Variants in PDE10A observed in about 807,000 individuals in gnomAD.
The protein encoded by PDE10A is phosphodiesterase 10A.
A neutral mutation model predicts 97.7 loss-of-function variants in PDE10A; 39 were observed. The observed-to-expected ratio is 0.40, with a 90% CI of 0.31 to 0.52. The LOEUF is 0.52. PDE10A is among the 20% of genes least tolerant of loss of function. The pLI is 0.56. For missense variants in PDE10A, 731 were observed against 1,047.8 expected, an observed-to-expected ratio of 0.70 and a Z score of 4.17; for synonymous variants, 371 against 376.8, an observed-to-expected ratio of 0.98 and a Z score of 0.18.
chr6:165,853,729 A>G (rs1780636016), intron 1 of PDE10A, among the ~76,000 whole-genome samples: 1 of 152,248 alleles, frequency 6.6e-6, no homozygotes, highest in Admixed American at 6.5e-5. Flanking sequence ...ACCACATTTT[A>G]GCAGAAAAAA....
chr6:165,456,580 T>C (rs1402156281), intron 3 of PDE10A, among the ~76,000 whole-genome samples: 3 of 152,218 alleles, frequency 2.0e-5, no homozygotes, highest in African/African-American at 7.2e-5. Flanking sequence ...CAAGAAGACA[T>C]GCTGGGATGT....
intron 1 of PDE10A, among the ~76,000 whole-genome samples, chr6:165,773,675 T>C (rs903799576): frequency 1.3e-5 from 2 of 152,196 alleles, no homozygotes; most frequent in Non-Finnish European, 2.9e-5. Flanking sequence ...TTGGGCTAAT[T>C]AGTTTATTGT....
At chr6:165,456,779 T>C (rs995387253) in intron 3 of PDE10A, among the ~76,000 whole-genome samples, 3 of 152,352 alleles carry the variant, frequency 2.0e-5, no homozygotes, top group South Asian at 2.1e-4. Flanking sequence ...TAATATTTCA[T>C]CTAATAGAAT....
intron 1 of PDE10A, among the ~76,000 whole-genome samples, chr6:165,637,389 C>A (rs931897116): frequency 1.3e-5 from 2 of 152,176 alleles, no homozygotes; most frequent in Non-Finnish European, 2.9e-5. Context: ...CACTGCACCA[C>A]CCAGGCCCTG....
chr6:165,611,435 G>A (rs1433904816), intron 1 of PDE10A, among the ~76,000 whole-genome samples: 1 of 152,200 alleles, frequency 6.6e-6, no homozygotes, highest in East Asian at 1.9e-4. Flanking sequence ...GCCTTACCAT[G>A]GTGGAATCCC....
chr6:165,888,691 C>T (rs191727293), intron 1 of PDE10A, among the ~76,000 whole-genome samples: 2 of 152,288 alleles, frequency 1.3e-5, no homozygotes, highest in Admixed American at 6.5e-5. Context: ...TGAACAGTGT[C>T]CGGCTCAGAG....
chr6:165,630,778 G>C (rs990096703), intron 1 of PDE10A, among the ~76,000 whole-genome samples: 21 of 152,130 alleles, frequency 1.4e-4, no homozygotes, highest in Admixed American at 1.2e-3. Flanking sequence ...AAAAAAACAT[G>C]ATGATGGCAG....
intron 1 of PDE10A, among the ~76,000 whole-genome samples, chr6:165,741,794 C>T (rs1277994688): frequency 6.6e-6 from 1 of 151,996 alleles, no homozygotes; most frequent in Non-Finnish European, 1.5e-5. Context: ...AAGGTTTATC[C>T]ATGTCTTTAA....
intron 1 of PDE10A, among the ~76,000 whole-genome samples, chr6:165,595,189 C>A (rs1786514721): frequency 6.6e-6 from 1 of 152,166 alleles, no homozygotes; most frequent in African/African-American, 2.4e-5. Flanking sequence ...AGCCCTGCAG[C>A]TCACCTGCCG....
rs372011806 is a variant in PDE10A, at chr6:165,418,665, T to G, written c.1766A>C (p.Lys589Thr). 9.9e-6 allele frequency: 16 copies of G among 1,613,376 alleles called. No homozygotes were observed. The Admixed American group carries it at 2.0e-4, about 20-fold the overall frequency. The change falls in exon 11 of 22, where the codon AAA (lysine) becomes ACA (threonine). Residue 589 changes from lysine (K) to threonine (T), a missense_variant. Lys to Thr is a moderately conservative substitution (Grantham distance 78, BLOSUM62 -1). This residue lies in a region of PDE10A where 108 missense variants were observed against 199.8 expected (regional missense o/e 0.54). Transcript: ENST00000539869. The surrounding 1 kb of genome is among the most constrained non-coding windows in gnomAD (Gnocchi z 4.8). ...LFDIGEEKEG[K>T]PVFKKTKEIR... ...CTCTTTGGTCTTCTTGAAGACAGGT[T>G]TTCCTTCCTTTTCCTCTCCAATATC...
intron 17 of PDE10A, among the ~76,000 whole-genome samples, chr6:165,387,300 G>A (rs972228770): frequency 3.3e-5 from 5 of 152,158 alleles, no homozygotes; most frequent in Non-Finnish European, 7.3e-5. Flanking sequence ...ATTTACCTTC[G>A]TAGGCCTGAG....
intron 1 of PDE10A, among the ~76,000 whole-genome samples, chr6:165,594,798 T>C (rs1208360886): frequency 6.6e-6 from 1 of 152,134 alleles, no homozygotes; most frequent in Non-Finnish European, 1.5e-5. Context: ...AGTGAGCAAA[T>C]TTAGCATCAC....
intron 18 of PDE10A, among the ~76,000 whole-genome samples, chr6:165,353,007 C>A (rs1782797012): frequency 6.6e-6 from 1 of 151,838 alleles, no homozygotes; most frequent in African/African-American, 2.4e-5. Context: ...AAGAAAACAC[C>A]CAAATATAAA....
At chr6:165,637,811 G>T (rs1788950812) in intron 1 of PDE10A, among the ~76,000 whole-genome samples, 1 of 152,182 alleles carries the variant, frequency 6.6e-6, no homozygotes, top group South Asian at 2.1e-4. Context: ...ATTCTCTGTG[G>T]AATGATATTT....
intron 1 of PDE10A, among the ~76,000 whole-genome samples, chr6:165,922,287 G>A (rs1361529215): frequency 2.0e-5 from 3 of 152,124 alleles, no homozygotes; most frequent in African/African-American, 4.8e-5. Context: ...GACTCCTGTG[G>A]CCAAGCCCAA....
chr6:165,798,547 C>T (rs117832854), intron 1 of PDE10A, among the ~76,000 whole-genome samples: 4,662 of 152,078 alleles, frequency 0.031, 99 homozygotes, highest in Middle Eastern at 0.092. Context: ...CATTTAACTC[C>T]GAAAACGGTA....
At chr6:165,718,645 T>C (rs1029647913) in intron 1 of PDE10A, among the ~76,000 whole-genome samples, 1 of 150,760 alleles carries the variant, frequency 6.6e-6, no homozygotes, top group South Asian at 2.1e-4. Flanking sequence ...AACCCCCACC[T>C]TTTCCCCCCG....
At chr6:165,741,138 A>G (rs560699561) in intron 1 of PDE10A, among the ~76,000 whole-genome samples, 2 of 152,294 alleles carry the variant, frequency 1.3e-5, no homozygotes, top group East Asian at 3.9e-4. Flanking sequence ...ACATACCTAC[A>G]AAAAGGTAAC....
chr6:165,702,169 G>A (rs564169614), intron 1 of PDE10A, among the ~76,000 whole-genome samples: 20 of 152,352 alleles, frequency 1.3e-4, no homozygotes, highest in Middle Eastern at 3.4e-3. Context: ...GCCCTGGGAC[G>A]GCAGAGGGTC....
Sources: gnomAD v4.1 joint callset for allele counts (sites outside exome capture counted in the v4.1 genomes callset) on GRCh38, gnomAD v4.1.1 for gene constraint, gnomAD v4.1.1 regional missense constraint, Gnocchi (gnomAD v3.1) non-coding constraint, MANE v1.5 for transcripts, NCBI Gene and HGNC (gene_info 2026-07-23, HGNC 2026-07-21) for gene names.